PRKN: variants seen among roughly 807,000 people sequenced by gnomAD.
PRKN encodes parkin RBR E3 ubiquitin protein ligase.
A neutral mutation model predicts 59.5 loss-of-function variants in PRKN; 56 were observed. The ratio of observed to expected loss-of-function variants is 0.94; its 90% CI spans 0.76 to 1.18. PRKN has a LOEUF of 1.18. Ranked by LOEUF, PRKN falls within the 50% of genes most tolerant of loss-of-function variation. PRKN has a pLI of 0.00. For missense variants in PRKN, 657 were observed against 596.4 expected (o/e 1.10, Z -1.06); for synonymous variants, 250 against 222.1 (o/e 1.13, Z -1.12).
Position 161,551,084 on chromosome 6 carries a change from G to A in PRKN, c.934-2081C>T, listed in dbSNP as rs1242392897. On this transcript the variant is annotated intron_variant, in intron 8 of 11. Transcript: ENST00000366898. This position sits in a 1 kb window ranked among gnomAD's most constrained non-coding sequence, Gnocchi z 5.2. ...AACAAACTAGAATCTCTGAATTTAT[G>A]GGGTAAGGTTCTCTGGACAGTGTCA... 6.6e-6 allele frequency among the ~76,000 whole-genome samples: 1 copy of A among 152,170 alleles called. No individual in the cohort carries two copies. Among genetic ancestry groups the A allele is most frequent in the African/African-American group, 2.4e-5 (1 of 41,440 alleles).
At chr6:162,255,836 T>C (rs1205941896) in intron 3 of PRKN, among the ~76,000 whole-genome samples, 3 of 152,326 alleles carry the variant, frequency 2.0e-5, no homozygotes, top group Admixed American at 2.0e-4. Context: ...GCGTAGTATA[T>C]ACCAGGAACT....
At chr6:162,614,191 T>C (rs370350021) in intron 1 of PRKN, among the ~76,000 whole-genome samples, 3 of 152,114 alleles carry the variant, frequency 2.0e-5, no homozygotes, top group African/African-American at 7.2e-5. Context: ...GTAAGAGATA[T>C]CTGAACTTTT....
At chr6:162,032,571 T>G (rs1783681180) in intron 5 of PRKN, among the ~76,000 whole-genome samples, 1 of 152,180 alleles carries the variant, frequency 6.6e-6, no homozygotes, top group Non-Finnish European at 1.5e-5. Flanking sequence ...CTGGTTATCT[T>G]ACGTATATAA....
chr6:161,882,213 T>C (rs932284045), intron 6 of PRKN, among the ~76,000 whole-genome samples: 16 of 152,250 alleles, frequency 1.1e-4, no homozygotes, highest in African/African-American at 3.9e-4. Context: ...TCACCTGTTA[T>C]TCCTGACTTC....
chr6:162,183,724 T>C (rs1783899316), intron 4 of PRKN, among the ~76,000 whole-genome samples: 1 of 152,198 alleles, frequency 6.6e-6, no homozygotes, highest in South Asian at 2.1e-4. Context: ...GTCTGATTTC[T>C]AAGCTTTGGG....
chr6:161,360,046 A>G lies in PRKN; in HGVS notation c.1285+42T>C, dbSNP rs369693402. ...CCTGATGGGTATGATTCTCCCCCAAAGAGCACACGACATCCTCATTCTCTG... is the reference window on the plus strand; with the variant it reads ...CCTGATGGGTATGATTCTCCCCCAAGGAGCACACGACATCCTCATTCTCTG... On this transcript the variant is annotated intron_variant, in intron 11 of 11. Transcript: ENST00000366898. The surrounding 1 kb of genome is among the most constrained non-coding windows in gnomAD (Gnocchi z 5.1). 14 of 1,397,238 alleles carry G rather than the reference A, an allele frequency of 1.0e-5. No individual in the cohort carries two copies. In the African/African-American group the frequency reaches 1.8e-4, roughly 18 times the overall value. 86.6% of individuals were successfully genotyped at this position (1,397,238 alleles called of 1,614,324 possible).
intron 1 of PRKN, among the ~76,000 whole-genome samples, chr6:162,651,024 G>A (rs1778408311): frequency 1.3e-5 from 2 of 152,144 alleles, no homozygotes; most frequent in Non-Finnish European, 2.9e-5. Flanking sequence ...GAAACACATT[G>A]CCTTTTCTAG....
chr6:161,352,771 A>ATATATTT lies in PRKN; in HGVS notation c.1286-2561_1286-2560insAAATATA, dbSNP rs34279714. 8.6e-6 allele frequency among the ~76,000 whole-genome samples: 1 copy of ATATATTT among 116,900 alleles called. No individual in the cohort carries two copies. The highest frequency in any genetic ancestry group is 2.0e-5 in the Non-Finnish European group (1 of 50,488). 76.7% of individuals were successfully genotyped at this position (116,900 alleles called of 152,430 possible). ...TGTGTGTGTGTATATATATATATAT[A>ATATATTT]TTTTATTTTATTTTATTTTATTTTT... On this transcript the variant is annotated intron_variant, in intron 11 of 11. Coordinates refer to ENST00000366898, the MANE Select transcript of PRKN (RefSeq NM_004562.3). This position sits in a 1 kb window ranked among gnomAD's most constrained non-coding sequence, Gnocchi z 5.8.
At chr6:162,239,144 A>T (rs897586388) in intron 3 of PRKN, among the ~76,000 whole-genome samples, 4 of 152,262 alleles carry the variant, frequency 2.6e-5, no homozygotes, top group African/African-American at 9.6e-5. Flanking sequence ...TAAGTACACT[A>T]TGGATTTGAT....
rs1371425589 is a variant in PRKN at position 161,518,152 on chromosome 6, C to T, written c.1083+30702G>A. On this transcript the variant is annotated intron_variant, in intron 9 of 11. Coordinates refer to ENST00000366898, the MANE Select transcript of PRKN (RefSeq NM_004562.3). This position sits in a 1 kb window ranked among gnomAD's most constrained non-coding sequence, Gnocchi z 5.0. The stretch of plus-strand genomic sequence containing the variant: ...GGGATGGGGCCGGGGGCACTCACTG[C>T]CTCCCTCACTGGCAGCTGGACAGTG... Among the ~76,000 whole-genome samples, 2 of 152,150 alleles carry T rather than the reference C, an allele frequency of 1.3e-5. No homozygotes were observed. Among genetic ancestry groups the T allele is most frequent in the Non-Finnish European group, 2.9e-5 (2 of 68,034 alleles).
chr6:162,084,471 C>T (rs1779175963), intron 4 of PRKN, among the ~76,000 whole-genome samples: 1 of 152,076 alleles, frequency 6.6e-6, no homozygotes, highest in Non-Finnish European at 1.5e-5. Flanking sequence ...ATATGTAGAA[C>T]ATTCTGAGGA....
intron 3 of PRKN, among the ~76,000 whole-genome samples, chr6:162,230,091 T>G (rs148380988): frequency 2.0e-4 from 30 of 152,348 alleles, no homozygotes; most frequent in Non-Finnish European, 2.6e-4. Flanking sequence ...TATATTCTAT[T>G]ATTGTAAAGG....
At position 161,385,073 on chromosome 6, in the gene PRKN, G is replaced by A. The variant is rs1786176386; in HGVS notation, c.1167+1721C>T. Among the ~76,000 whole-genome samples the A allele has an allele frequency of 6.6e-6, 1 of 152,068 alleles. No homozygotes were observed. The highest frequency in any genetic ancestry group is 2.4e-5 in the African/African-American group (1 of 41,384). ...GCCTCCTGAATAGCTGGGATTACAG[G>A]TGCACGCCACCACACCCAGCTAATT... is the stretch of plus-strand genomic sequence containing the variant. On this transcript the variant is annotated intron_variant, in intron 10 of 11. Transcript: ENST00000366898. The surrounding 1 kb of genome is among the most constrained non-coding windows in gnomAD (Gnocchi z 4.9).
chr6:162,698,397 G>T (rs758141033), intron 1 of PRKN, among the ~76,000 whole-genome samples: 69 of 152,146 alleles, frequency 4.5e-4, no homozygotes, highest in Non-Finnish European at 7.2e-4. Flanking sequence ...TTTATAAGGG[G>T]ACAGTCAGGC....
At chr6:161,434,624 G>A (rs1344744985) in intron 9 of PRKN, among the ~76,000 whole-genome samples, 1 of 152,112 alleles carries the variant, frequency 6.6e-6, no homozygotes, top group Non-Finnish European at 1.5e-5. Context: ...TGTAATCGCT[G>A]AGCAAGTCAT....
At chr6:161,613,570 T>C (rs904439082) in intron 7 of PRKN, among the ~76,000 whole-genome samples, 6 of 152,104 alleles carry the variant, frequency 3.9e-5, no homozygotes, top group Admixed American at 3.9e-4. Flanking sequence ...TACAGAGACA[T>C]CTTTCATGAA....
At chr6:161,505,293 T>G (rs1458107895) in intron 9 of PRKN, among the ~76,000 whole-genome samples, 2 of 152,048 alleles carry the variant, frequency 1.3e-5, no homozygotes, top group African/African-American at 4.8e-5. Context: ...GAGCATTTTT[T>G]CATGTGTTTT....
chr6:162,444,014 A>C (rs1381639869), intron 1 of PRKN, among the ~76,000 whole-genome samples: 1 of 152,144 alleles, frequency 6.6e-6, no homozygotes, highest in Non-Finnish European at 1.5e-5. Context: ...GGGTCTATGA[A>C]GACAATTATT....
intron 7 of PRKN, among the ~76,000 whole-genome samples, chr6:161,700,802 T>G (rs985713516): frequency 3.3e-5 from 5 of 152,198 alleles, no homozygotes; most frequent in Admixed American, 2.6e-4. Context: ...CTGTGTCATT[T>G]TCTCAAACCT....
Sources: gnomAD v4.1 joint callset for allele counts (sites outside exome capture counted in the v4.1 genomes callset) on GRCh38, gnomAD v4.1.1 for gene constraint, Gnocchi (gnomAD v3.1) non-coding constraint, MANE v1.5 for transcripts, NCBI Gene and HGNC (gene_info 2026-07-23, HGNC 2026-07-21) for gene names.